The following AHCYL1 variants were observed in gnomAD, a reference collection of about 807,000 sequenced individuals.
The protein encoded by AHCYL1 is adenosylhomocysteinase like 1, also known as S-adenosylhomocysteine hydrolase-like protein 1.
In AHCYL1, 20 loss-of-function variants were observed where a neutral mutation model predicts 79.3. The observed-to-expected ratio is 0.25, with a 90% CI of 0.18 to 0.37. The LOEUF is 0.37. Ranked by LOEUF, AHCYL1 falls within the 10% of genes least tolerant of loss-of-function variation. AHCYL1 has a pLI of 1.00. For missense variants in AHCYL1, 330 were observed against 673.6 expected (o/e 0.49, Z 5.65); for synonymous variants, 223 against 242.2 (o/e 0.92, Z 0.74).
chr1:110,012,563 GCTAA>G (rs1026169569), intron 4 of AHCYL1, 101 bp downstream of exon 4: 2 of 970,556 alleles, frequency 2.1e-6, no homozygotes, highest in African/African-American at 3.4e-5. Context: ...ACCTCCAAAT[GCTAA>G]CTATTAATAG....
Position 110,014,841 on chromosome 1 carries a change from G to A in AHCYL1, c.659G>A (p.Gly220Glu). The A allele has an allele frequency of 6.2e-7, 1 of 1,614,084 alleles. No homozygotes were observed. Among genetic ancestry groups the A allele is most frequent in the Non-Finnish European group, 8.5e-7 (1 of 1,179,964 alleles). ...ATTGACCGCTGTGTGAACATGGATG[G>A]GTGGCAGGCCAACATGGTAATAATG... is the stretch of plus-strand genomic sequence containing the variant. Reference protein sequence around the residue: ...WCIDRCVNMDGWQANMILDDG... With the variant: ...WCIDRCVNMDEWQANMILDDG... Residue 220 changes from glycine to glutamate, a missense_variant, in exon 6 of 17, where the codon GGG (glycine) becomes GAG (glutamate). Gly to Glu is a moderately conservative substitution (Grantham distance 98). This residue lies in a region of AHCYL1 where 17 missense variants were observed against 45.6 expected (regional missense o/e 0.37). Transcript: ENST00000369799.
Position 110,013,005 on chromosome 1 carries a change from T to C in AHCYL1, c.580+6T>C. ...TGCAGCACTGGCTGAGGCTGGTAAG[T>C]TCGGTTTTTTCCCACCAACTTTGCC... On this transcript the variant is annotated splice_donor_region_variant and intron_variant, in intron 5 of 16. Coordinates refer to ENST00000369799, the MANE Select transcript of AHCYL1 (RefSeq NM_006621.7). 6.3e-7 allele frequency: 1 copy of C among 1,598,766 alleles called. No homozygotes were observed. Among genetic ancestry groups the C allele is most frequent in the Non-Finnish European group, 8.5e-7 (1 of 1,174,966 alleles).
Position 110,016,469 on chromosome 1 carries a change from A to C in AHCYL1, c.899+9A>C. The C allele has an allele frequency of 6.2e-7, 1 of 1,609,138 alleles. No individual in the cohort carries two copies. The highest frequency in any genetic ancestry group is 8.5e-7 in the Non-Finnish European group (1 of 1,176,174). On this transcript the variant is annotated intron_variant, in intron 8 of 16. Coordinates refer to ENST00000369799, the MANE Select transcript of AHCYL1 (RefSeq NM_006621.7). ...GAATCCATTTTGGATGGGTAGGTTG[A>C]ATGTATATATATTCAAACTTCTAGG...
At chr1:110,020,609 C>A (rs1294949841) in intron 15 of AHCYL1, 122 bp from the exon 16 acceptor site, 2 of 1,281,950 alleles carry the variant, frequency 1.6e-6, no homozygotes, top group Non-Finnish European at 2.1e-6. Context: ...GTTGTGGATT[C>A]TTTCAGAGTT....
intron 1 of AHCYL1, among the ~76,000 whole-genome samples, chr1:109,990,835 G>A (rs1649720914): frequency 6.6e-6 from 1 of 152,084 alleles, no homozygotes. Flanking sequence ...AGGTGTTTGG[G>A]GTTTTCCCAA....
chr1:109,987,837 C>G (rs760395962), intron 1 of AHCYL1, among the ~76,000 whole-genome samples: 16 of 152,086 alleles, frequency 1.1e-4, no homozygotes, highest in South Asian at 2.1e-4. Context: ...TGACCTTGAG[C>G]AAATTAATTA....
chr1:110,004,212 G>A (rs1650502844), intron 1 of AHCYL1: 5 of 985,662 alleles, frequency 5.1e-6, no homozygotes, highest in Non-Finnish European at 6.0e-6. Context: ...GAGTCGGCGG[G>A]GGAAGATATG....
At chr1:110,003,826 C>T (rs1650470281) in intron 1 of AHCYL1, 1 of 644,006 alleles carries the variant, frequency 1.6e-6, no homozygotes, top group African/African-American at 2.0e-5. Flanking sequence ...CCTTTTCTGT[C>T]CTACTTACTG....
rs1281757903 is a variant in AHCYL1, at chr1:110,004,363, C to G, written c.121-4671C>G. The G allele has an allele frequency of 3.0e-6, 3 of 985,388 alleles. No homozygotes were observed. In the East Asian group the frequency reaches 3.4e-4, roughly 112 times the overall value. 61.0% of individuals were successfully genotyped at this position (985,388 alleles called of 1,614,324 possible). A position where few individuals can be genotyped will look rare whatever the true frequency, so the allele number is the denominator to read the frequency against. ...CTGCTAAGTCTCAGAAGACTGGTTTCTGCACAAGGGAATGGAAGAAGTGAC... is the reference window on the plus strand; with the variant it reads ...CTGCTAAGTCTCAGAAGACTGGTTTGTGCACAAGGGAATGGAAGAAGTGAC... On this transcript the variant is annotated intron_variant, in intron 1 of 16. Transcript: ENST00000369799.
In AHCYL1 at chr1:110,021,702, A is replaced by G. The variant is rs751812580; in HGVS notation, c.*22A>G. 1.9e-6 allele frequency: 3 copies of G among 1,609,158 alleles called. No homozygotes were observed. In the Admixed American group the frequency reaches 5.0e-5, roughly 27 times the overall value. On this transcript the variant is annotated 3_prime_UTR_variant, in exon 17 of 17. Transcript: ENST00000369799. Reference sequence around the variant, plus strand: ...CTAATGGACCATACTACCAAGGACCAGTCCACCTGAACCACACACTCTAAA... The same window carrying G: ...CTAATGGACCATACTACCAAGGACCGGTCCACCTGAACCACACACTCTAAA...
chr1:110,012,554 C>T (rs955430482), intron 4 of AHCYL1, 92 bp downstream of exon 4: 55 of 1,022,488 alleles, frequency 5.4e-5, no homozygotes, highest in Non-Finnish European at 7.2e-5. Context: ...AACTCGCCAA[C>T]CTCCAAATGC....
chr1:110,016,002 T>A (rs1651394760), intron 7 of AHCYL1, among the ~76,000 whole-genome samples: 1 of 152,174 alleles, frequency 6.6e-6, no homozygotes, highest in Non-Finnish European at 1.5e-5. Context: ...CGGAACCATA[T>A]CAGAATCATT....
At chr1:109,996,677 C>T (rs532779558) in intron 1 of AHCYL1, among the ~76,000 whole-genome samples, 3 of 152,336 alleles carry the variant, frequency 2.0e-5, no homozygotes, top group East Asian at 3.9e-4. Flanking sequence ...TGACTGGCAA[C>T]GCAGTAGGTT....
intron 1 of AHCYL1, among the ~76,000 whole-genome samples, chr1:109,988,904 A>G (rs1649605447): frequency 6.6e-6 from 1 of 152,256 alleles, no homozygotes; most frequent in Non-Finnish European, 1.5e-5. Context: ...CCCGATAGGT[A>G]AAATCCAGGT....
rs936487507 is a variant in AHCYL1, at chr1:110,004,989, C to CT, written c.121-4036dup. On this transcript the variant is annotated intron_variant, in intron 1 of 16. Coordinates refer to ENST00000369799, the MANE Select transcript of AHCYL1 (RefSeq NM_006621.7). ...TAAAATATCTAGTTTTTTATTGTTA[C>CT]TTTTTTTTTGCTCAGTTGCTAAGAA... Among the ~76,000 whole-genome samples the CT allele has an allele frequency of 4.6e-5, 7 of 151,518 alleles. No individual in the cohort carries two copies. In the East Asian group the frequency reaches 7.7e-4, roughly 17 times the overall value.
rs74611507 is a variant in AHCYL1 at position 110,022,543 on chromosome 1, G to A, written c.*863G>A. ...GCCCTGTTAAGTCCCTCTGTTTCTA[G>A]CCCGTAGTTCATAGCATCAGTGAAC... is the stretch of plus-strand genomic sequence containing the variant. On this transcript the variant is annotated 3_prime_UTR_variant, in exon 17 of 17. Transcript: ENST00000369799. 986 of 152,674 alleles carry A rather than the reference G, an allele frequency of 6.5e-3. 22 individuals carry two copies. The East Asian group carries it at 0.084, about 13-fold the overall frequency. 9.5% of individuals were successfully genotyped at this position (152,674 alleles called of 1,614,324 possible).
chr1:110,006,066 T>G (rs1170365334), intron 1 of AHCYL1, among the ~76,000 whole-genome samples: 1 of 152,166 alleles, frequency 6.6e-6, no homozygotes, highest in Non-Finnish European at 1.5e-5. Flanking sequence ...TTAATTGGGT[T>G]TTTAAGACAC....
intron 1 of AHCYL1, among the ~76,000 whole-genome samples, chr1:110,003,515 A>AG (rs1243214390): frequency 6.6e-6 from 1 of 151,848 alleles, no homozygotes; most frequent in Non-Finnish European, 1.5e-5. Context: ...GATGGAGGGT[A>AG]GGGGGTGGGA....
chr1:110,017,118 T>G (rs1651469262), intron 9 of AHCYL1, among the ~76,000 whole-genome samples: 1 of 152,212 alleles, frequency 6.6e-6, no homozygotes, highest in South Asian at 2.1e-4. Flanking sequence ...ACATATTTTG[T>G]TGTCTTCAGC....
Sources: gnomAD v4.1 joint callset for allele counts (sites outside exome capture counted in the v4.1 genomes callset) on GRCh38, gnomAD v4.1.1 for gene constraint, gnomAD v4.1.1 regional missense constraint, MANE v1.5 for transcripts, NCBI Gene and HGNC (gene_info 2026-07-23, HGNC 2026-07-21) for gene names.